The following TPP2 variants were observed in gnomAD, a reference collection of about 807,000 sequenced individuals.
The protein encoded by TPP2 is tripeptidyl peptidase 2, also known as tripeptidyl-peptidase 2.
A neutral mutation model predicts 155.9 loss-of-function variants in TPP2; 34 were observed. The ratio of observed to expected loss-of-function variants is 0.22; its 90% CI spans 0.17 to 0.29. The LOEUF (loss-of-function observed/expected upper bound fraction) is 0.29. Ranked by LOEUF, TPP2 falls within the 10% of genes least tolerant of loss-of-function variation. The pLI is 1.00. For synonymous variants in TPP2, 510 were observed against 529.4 expected (o/e 0.96, Z 0.50); for missense variants, 1,028 against 1,522.3 (o/e 0.68, Z 5.40).
intron 4 of TPP2, among the ~76,000 whole-genome samples, chr13:102,618,252 A>G (rs970849620): frequency 6.6e-6 from 1 of 152,228 alleles, no homozygotes; most frequent in East Asian, 1.9e-4. Context: ...TTTCTAAAAG[A>G]TATAAGATGA....
At chr13:102,597,372 G>A (rs941286182) in intron 1 of TPP2, among the ~76,000 whole-genome samples, 169 bp downstream of exon 1, 4 of 152,154 alleles carry the variant, frequency 2.6e-5, no homozygotes, top group Non-Finnish European at 5.9e-5. Context: ...GGGAGGGACG[G>A]GCGCCCGCCA....
At chr13:102,626,934 T>G in intron 6 of TPP2, 78 bp from the exon 7 acceptor site, 2 of 1,365,884 alleles carry the variant, frequency 1.5e-6, no homozygotes, top group Non-Finnish European at 1.9e-6. Context: ...TTATCATGAT[T>G]AATAATATGC....
intron 23 of TPP2, among the ~76,000 whole-genome samples, chr13:102,651,107 TCTA>T (rs1298625968): frequency 5.9e-5 from 9 of 152,224 alleles, no homozygotes; most frequent in African/African-American, 2.2e-4. Flanking sequence ...TAGATTTTGA[TCTA>T]CTAAATTTTT....
At position 102,646,303 on chromosome 13, in the gene TPP2, T is replaced by A. The variant is rs752264020; in HGVS notation, c.2403T>A (p.Ser801Arg). The A allele has an allele frequency of 1.2e-6, 2 of 1,612,424 alleles. No individual in the cohort carries two copies. Among genetic ancestry groups the A allele is most frequent in the East Asian group, 2.2e-5 (1 of 44,686 alleles). ...AGTTTCCTCATTACAGCCCAGTGAG[T>A]GCAAAAACAAAACCTTTAGGATCAA... ...KNWVQTLRPVSAKTKPLGSRD... is the reference protein window; with the variant it reads ...KNWVQTLRPVRAKTKPLGSRD... The change falls in exon 20 of 30, where the codon AGT becomes AGA. Residue 801 changes from serine to arginine, a missense_variant. By Grantham distance (110) the Ser-to-Arg change is moderately radical. Transcript: ENST00000376052.
At chr13:102,648,600 A>G (rs1050416499) in intron 21 of TPP2, among the ~76,000 whole-genome samples, 1 of 152,074 alleles carries the variant, frequency 6.6e-6, no homozygotes, top group Admixed American at 6.6e-5. Flanking sequence ...GAGTTTTGCT[A>G]AAAGTGTGGG....
At position 102,651,538 on chromosome 13, in the gene TPP2, G is replaced by A. The variant is rs1247923671; in HGVS notation, c.2991+141G>A. ...TGCATTCTAAAGTATAGTGCTCTTA[G>A]CTGTACTTAGAAGCATTGTTGACAT... On this transcript the variant is annotated intron_variant, in intron 24 of 29. Transcript: ENST00000376052. 2.1e-5 allele frequency: 17 copies of A among 799,734 alleles called. No individual in the cohort carries two copies. The African/African-American group carries it at 2.7e-4, about 13-fold the overall frequency. The allele number at this position is 799,734 out of a possible 1,614,324, so 49.5% of individuals were successfully genotyped here.
Position 102,622,992 on chromosome 13 carries a change from G to C in TPP2, c.736G>C (p.Val246Leu). ...FGTAEMLNYS[V>L]NIYDDGNLLS... ...CACAGCTGAGATGTTGAATTACTCC[G>C]TTAATATATACGATGATGGAAACCT... The change falls in exon 6 of 30, where the codon GTT (valine) becomes CTT (leucine). Residue 246 changes from valine to leucine, a missense_variant. By Grantham distance (32) the Val-to-Leu change is conservative. Around this residue, in one of 7 missense-constraint regions of TPP2, gnomAD observed 300 missense variants for 398.3 expected, o/e 0.75. Transcript: ENST00000376052. 3 of 1,614,026 alleles carry C rather than the reference G, an allele frequency of 1.9e-6. No individual in the cohort carries two copies. Among genetic ancestry groups the C allele is most frequent in the Non-Finnish European group, 2.5e-6 (3 of 1,180,006 alleles).
intron 1 of TPP2, among the ~76,000 whole-genome samples, chr13:102,598,248 A>C (rs953083376): frequency 6.6e-6 from 1 of 152,152 alleles, no homozygotes; most frequent in Admixed American, 6.5e-5. Flanking sequence ...CTGTATGCTG[A>C]TCTCTCGTTG....
At chr13:102,646,173 G>A (rs1883086621) in intron 19 of TPP2, 121 bp from the exon 20 acceptor site, 4 of 617,212 alleles carry the variant, frequency 6.5e-6, no homozygotes, top group Non-Finnish European at 8.4e-6. Flanking sequence ...GAAAAGGATA[G>A]CTCTCAGGAA....
intron 5 of TPP2, among the ~76,000 whole-genome samples, chr13:102,621,122 G>T (rs1054197069): frequency 2.0e-5 from 3 of 152,142 alleles, no homozygotes; most frequent in Non-Finnish European, 4.4e-5. Context: ...GTCCTCTGTC[G>T]TGTTATTTAG....
At chr13:102,634,232 TATGTGATAATGATAATTTGA>T in intron 11 of TPP2, 134 bp downstream of exon 11, 1 of 1,186,126 alleles carries the variant, frequency 8.4e-7, no homozygotes, top group South Asian at 1.5e-5. Flanking sequence ...ACGAATAACT[TATGTGATAATGATAATTTGA>T]ATGTGTGTTT....
intron 4 of TPP2, among the ~76,000 whole-genome samples, chr13:102,618,212 C>A (rs1213665573): frequency 3.3e-5 from 5 of 152,030 alleles, no homozygotes; most frequent in Admixed American, 1.3e-4. Flanking sequence ...TTCACTTACC[C>A]CCATTAAATG....
At position 102,637,206 on chromosome 13, in the gene TPP2, C is replaced by T. The variant is rs764920859; in HGVS notation, c.1803C>T (p.Pro601=). ...QCRHINIRVD[P]RGLREGLHYT... is the part of the protein sequence containing the mutation. ...GACACATAAACATACGTGTGGATCC[C>T]AGGGGCTTAAGAGAAGGATTGCATT... The change falls in exon 14 of 30, where the codon CCC becomes CCT. Residue 601 remains proline (P), a synonymous_variant. Transcript: ENST00000376052. 6.2e-7 allele frequency: 1 copy of T among 1,608,274 alleles called. No individual in the cohort carries two copies. The highest frequency in any genetic ancestry group is 8.5e-7 in the Non-Finnish European group (1 of 1,179,114).
At chr13:102,609,384 G>T (rs1456631727) in intron 2 of TPP2, among the ~76,000 whole-genome samples, 1 of 140,712 alleles carries the variant, frequency 7.1e-6, no homozygotes, top group Non-Finnish European at 1.5e-5. Flanking sequence ...AAAGGGAGAA[G>T]TGCCATGCTT....
rs752018037 is a variant in TPP2, at chr13:102,627,761, T to C, written c.940-87T>C. ...ATTAGAATATGATTGGCTAAGAAAC[T>C]ATAGGATTATATATATGCCCTTATT... is the stretch of plus-strand genomic sequence containing the variant. On this transcript the variant is annotated intron_variant, in intron 7 of 29. Transcript: ENST00000376052. The C allele has an allele frequency of 1.1e-5, 10 of 919,374 alleles. No individual in the cohort carries two copies. In the Middle Eastern group the frequency reaches 8.4e-4, roughly 77 times the overall value. 57.0% of individuals were successfully genotyped at this position (919,374 alleles called of 1,614,324 possible).
At chr13:102,640,194 G>T in intron 15 of TPP2, 76 bp from the exon 16 acceptor site, 2 of 1,103,342 alleles carry the variant, frequency 1.8e-6, no homozygotes, top group South Asian at 1.7e-5. Flanking sequence ...GTTATTTTGC[G>T]TTTATCCAAT....
intron 1 of TPP2, among the ~76,000 whole-genome samples, chr13:102,598,368 G>A (rs567746861): frequency 5.3e-4 from 81 of 152,216 alleles, no homozygotes; most frequent in Non-Finnish European, 2.1e-4. Flanking sequence ...TATTGAGGTA[G>A]CATTTTGGAA....
At chr13:102,671,136 T>C (rs1884955745) in intron 27 of TPP2, among the ~76,000 whole-genome samples, 1 of 152,214 alleles carries the variant, frequency 6.6e-6, no homozygotes, top group African/African-American at 2.4e-5. Flanking sequence ...AATTTTTCTC[T>C]GTCCTGTTCT....
chr13:102,675,903 G>C (rs1885255674), intron 28 of TPP2, among the ~76,000 whole-genome samples: 2 of 152,102 alleles, frequency 1.3e-5, no homozygotes, highest in South Asian at 4.1e-4. Flanking sequence ...TTGTACCAAA[G>C]AAACCATGTT....
Sources: gnomAD v4.1 joint callset for allele counts (sites outside exome capture counted in the v4.1 genomes callset) on GRCh38, gnomAD v4.1.1 for gene constraint, gnomAD v4.1.1 regional missense constraint, MANE v1.5 for transcripts, NCBI Gene and HGNC (gene_info 2026-07-23, HGNC 2026-07-21) for gene names.